Variants in TM7SF3 observed in about 807,000 individuals in gnomAD.
TM7SF3 encodes the protein seven span transmembrane protein.
In TM7SF3, 60 loss-of-function variants were observed where a neutral mutation model predicts 65.5. The ratio of observed to expected loss-of-function variants is 0.92; its 90% CI spans 0.74 to 1.14. The LOEUF (loss-of-function observed/expected upper bound fraction) is 1.14, where lower values mean the gene tolerates loss of function less well. TM7SF3 is among the 50% of genes most tolerant of loss of function. TM7SF3 has a pLI of 0.00. For missense variants in TM7SF3, 623 were observed against 684.8 expected (o/e 0.91, Z 1.01); for synonymous variants, 264 against 259.6 (o/e 1.02, Z -0.16).
In TM7SF3 at chr12:26,971,944, A is replaced by C. The variant is rs1939379231; in HGVS notation, c.*2021T>G. The C allele has an allele frequency of 6.6e-6, 1 of 152,194 alleles. No homozygotes were observed. Among genetic ancestry groups the C allele is most frequent in the Admixed American group, 6.5e-5 (1 of 15,278 alleles). The allele number at this position is 152,194 out of a possible 1,614,324, so 9.4% of individuals were successfully genotyped here. On this transcript the variant is annotated 3_prime_UTR_variant, in exon 12 of 12. Transcript: ENST00000343028. The stretch of plus-strand genomic sequence containing the variant: ...CAAACACTTAAAGCAAAAGTTAAAT[A>C]TTTTTCCAGTTACCTGAAACTTCAA...
At chr12:27,011,476 C>T (rs1941242275) in intron 1 of TM7SF3, among the ~76,000 whole-genome samples, 1 of 152,226 alleles carries the variant, frequency 6.6e-6, no homozygotes, top group Non-Finnish European at 1.5e-5. Context: ...ACTCCATCTG[C>T]CACGTTCCAA....
At position 27,014,146 on chromosome 12, in the gene TM7SF3, A is replaced by C. The variant is rs958837779; in HGVS notation, c.23T>G (p.Val8Gly). 5.7e-6 allele frequency: 9 copies of C among 1,565,408 alleles called. No homozygotes were observed. The African/African-American group carries it at 1.2e-4, about 21-fold the overall frequency. The change falls in exon 1 of 12, where the codon GTC (valine) becomes GGC (glycine). Residue 8 changes from valine to glycine, a missense_variant. Val to Gly is a moderately radical substitution (Grantham distance 109). Coordinates refer to ENST00000343028, the MANE Select transcript of TM7SF3 (RefSeq NM_016551.3). The stretch of plus-strand genomic sequence containing the variant: ...GTGTTCGGATGCCAGCACCGCTACG[A>C]CCAGCAGCTGCAGGAACCCCATTGC... The part of the protein sequence containing the change: MGFLQLL[V>G]VAVLASEHRV...
At position 26,972,197 on chromosome 12, in the gene TM7SF3, A is replaced by G. The variant is rs1939389354; in HGVS notation, c.*1768T>C. On this transcript the variant is annotated 3_prime_UTR_variant, in exon 12 of 12. Transcript: ENST00000343028. The stretch of plus-strand genomic sequence containing the variant: ...CTTGTGGTGAAACAAGGGTGTCAAA[A>G]CTGAGGGGACTCTCCAAGGTCCTAA... 1 of 152,116 alleles carries G rather than the reference A, an allele frequency of 6.6e-6. No individual in the cohort carries two copies. Among genetic ancestry groups the G allele is most frequent in the Non-Finnish European group, 1.5e-5 (1 of 68,020 alleles). The allele number at this position is 152,116 out of a possible 1,614,324, so 9.4% of individuals were successfully genotyped here. A position where few individuals can be genotyped will look rare whatever the true frequency, so the allele number is the denominator to read the frequency against.
chr12:26,992,046 C>G (rs1238960893), intron 5 of TM7SF3, among the ~76,000 whole-genome samples: 1 of 152,086 alleles, frequency 6.6e-6, no homozygotes, highest in East Asian at 1.9e-4. Context: ...TATGCAAACA[C>G]CTACCACACT....
rs34735713 is a variant in TM7SF3, at chr12:26,995,391, G to C, written c.536C>G (p.Pro179Arg). Residue 179 changes from proline (P) to arginine (R), a missense_variant, in exon 5 of 12, where the codon CCA (proline) becomes CGA (arginine). By Grantham distance (103) the Pro-to-Arg change is moderately radical. Coordinates refer to ENST00000343028, the MANE Select transcript of TM7SF3 (RefSeq NM_016551.3). ...LGYARGVDPP[P>R]CDAGTDQDSR... ...GTCCTGGTCTGTCCCAGCGTCACAT[G>C]GTGGGGGATCTACGCCTCTAAAGTC... The C allele has an allele frequency of 4.5e-3, 7,236 of 1,614,142 alleles. 294 individuals are homozygous for C. In the African/African-American group the frequency reaches 0.085, roughly 19 times the overall value.
At position 26,972,948 on chromosome 12, in the gene TM7SF3, T is replaced by A. The variant is rs1373671681; in HGVS notation, c.*1017A>T. Among the ~76,000 whole-genome samples, 1 of 151,992 alleles carries A rather than the reference T, an allele frequency of 6.6e-6. No individual in the cohort carries two copies. The highest frequency in any genetic ancestry group is 2.4e-5 in the African/African-American group (1 of 41,362). ...AAATTGGCCTATTTTCAAATAATAA[T>A]TTAGCTATTTCAATTACCATTTTAA... On this transcript the variant is annotated 3_prime_UTR_variant, in exon 12 of 12. Coordinates refer to ENST00000343028, the MANE Select transcript of TM7SF3 (RefSeq NM_016551.3).
intron 6 of TM7SF3, 102 bp from the exon 7 acceptor site, chr12:26,982,961 T>C: frequency 1.3e-6 from 1 of 771,938 alleles, no homozygotes; most frequent in Non-Finnish European, 2.0e-6. Flanking sequence ...TGAACTGACA[T>C]AATTTATCCC....
chr12:26,985,678 T>TATATATATATATAC (rs1452914983), intron 6 of TM7SF3, among the ~76,000 whole-genome samples: 16 of 108,472 alleles, frequency 1.5e-4, no homozygotes, highest in African/African-American at 5.9e-4. Flanking sequence ...TATATATATA[T>TATATATATATATAC]ACACACACAC....
At chr12:26,999,178 C>A (rs1940724127) in intron 3 of TM7SF3, among the ~76,000 whole-genome samples, 1 of 152,028 alleles carries the variant, frequency 6.6e-6, no homozygotes, top group Non-Finnish European at 1.5e-5. Flanking sequence ...GGGCGAATCA[C>A]AAGGTCAGGA....
chr12:27,001,368 C>CA (rs1174689148), intron 2 of TM7SF3, among the ~76,000 whole-genome samples: 2 of 152,196 alleles, frequency 1.3e-5, no homozygotes, highest in Non-Finnish European at 2.9e-5. Flanking sequence ...TCTCTTTATC[C>CA]AAGTTCTGCT....
At position 26,996,809 on chromosome 12, in the gene TM7SF3, T is replaced by C. The variant is rs1398180797; in HGVS notation, c.451A>G (p.Ile151Val). The change falls in exon 4 of 12, where the codon ATT (isoleucine) becomes GTT (valine). Residue 151 changes from isoleucine (I) to valine (V), a missense_variant. Ile to Val is a conservative substitution (Grantham distance 29, BLOSUM62 3). Coordinates refer to ENST00000343028, the MANE Select transcript of TM7SF3 (RefSeq NM_016551.3). ...LEFDLDIDPN[I>V]YLEYNFFETT... ...TCAAAGAAATTATACTCCAAGTAAA[T>C]GTTGGGATCAATATCTAAATCGAAC... The C allele has an allele frequency of 6.2e-7, 1 of 1,613,712 alleles. No homozygotes were observed. The highest frequency in any genetic ancestry group is 8.5e-7 in the Non-Finnish European group (1 of 1,179,838).
chr12:26,996,738 G>T lies in TM7SF3; in HGVS notation c.518+4C>A, dbSNP rs56089328. 6.2e-7 allele frequency: 1 copy of T among 1,608,532 alleles called. No homozygotes were observed. The highest frequency in any genetic ancestry group is 1.1e-5 in the South Asian group (1 of 89,954). On this transcript the variant is annotated splice_donor_region_variant and intron_variant, in intron 4 of 11. Coordinates refer to ENST00000343028, the MANE Select transcript of TM7SF3 (RefSeq NM_016551.3). ...CATTTCTCAGACATGGGAGACAGAC[G>T]TACCTCGCATAGCCTAGGTTTGCTG...
At chr12:27,000,560 C>G (rs1269700973) in intron 2 of TM7SF3, among the ~76,000 whole-genome samples, 1 of 152,072 alleles carries the variant, frequency 6.6e-6, no homozygotes, top group Non-Finnish European at 1.5e-5. Flanking sequence ...CCCGGGTTCA[C>G]GCCATTCTCC....
Position 26,973,565 on chromosome 12 carries a change from T to C in TM7SF3, c.*400A>G. 1 of 160,090 alleles carries C rather than the reference T, an allele frequency of 6.2e-6. No homozygotes were observed. The highest frequency in any genetic ancestry group is 1.4e-5 in the Non-Finnish European group (1 of 73,328). 9.9% of individuals were successfully genotyped at this position (160,090 alleles called of 1,614,324 possible). ...CACAGATAAAGACTCAATAATAAAC[T>C]CCCTCCGAAAGTTTAGACAGGCTCA... is the stretch of plus-strand genomic sequence containing the variant. On this transcript the variant is annotated 3_prime_UTR_variant, in exon 12 of 12. Coordinates refer to ENST00000343028, the MANE Select transcript of TM7SF3 (RefSeq NM_016551.3).
At chr12:27,008,497 C>T (rs953952767) in intron 1 of TM7SF3, among the ~76,000 whole-genome samples, 2 of 152,050 alleles carry the variant, frequency 1.3e-5, no homozygotes, top group Non-Finnish European at 2.9e-5. Context: ...ACTCTGTTAC[C>T]TTTAGATTAA....
At chr12:26,975,323 C>T (rs189905558) in intron 11 of TM7SF3, among the ~76,000 whole-genome samples, 173 bp downstream of exon 11, 1 of 152,160 alleles carries the variant, frequency 6.6e-6, no homozygotes, top group African/African-American at 2.4e-5. Context: ...ATGCTTTACT[C>T]CCATGATCCT....
chr12:26,998,966 C>A (rs1396822589), intron 3 of TM7SF3, among the ~76,000 whole-genome samples: 1 of 152,246 alleles, frequency 6.6e-6, no homozygotes, highest in African/African-American at 2.4e-5. Flanking sequence ...AACAACTAAA[C>A]TGTTAAGGAC....
At chr12:26,992,728 T>C (rs1205508814) in intron 5 of TM7SF3, among the ~76,000 whole-genome samples, 1 of 152,248 alleles carries the variant, frequency 6.6e-6, no homozygotes, top group Non-Finnish European at 1.5e-5. Flanking sequence ...AGTATCATAC[T>C]GTATATTGCT....
intron 2 of TM7SF3, among the ~76,000 whole-genome samples, chr12:27,000,450 A>G (rs925609994): frequency 2.0e-5 from 3 of 152,084 alleles, no homozygotes; most frequent in African/African-American, 7.2e-5. Flanking sequence ...TATAAACTGT[A>G]CATAAAGTAT....
Sources: gnomAD v4.1 joint callset for allele counts (sites outside exome capture counted in the v4.1 genomes callset) on GRCh38, gnomAD v4.1.1 for gene constraint, MANE v1.5 for transcripts, NCBI Gene and HGNC (gene_info 2026-07-23, HGNC 2026-07-21) for gene names.